HS6ST3: variants seen among roughly 807,000 people sequenced by gnomAD.
HS6ST3 encodes heparan-sulfate 6-O-sulfotransferase 3.
In HS6ST3, 12 loss-of-function variants were observed where a neutral mutation model predicts 36.7. That is an observed-to-expected ratio of 0.33 (90% CI 0.21 to 0.53). HS6ST3 has a LOEUF of 0.53. HS6ST3 is among the 20% of genes least tolerant of loss of function. HS6ST3 has a pLI of 0.95. For synonymous variants in HS6ST3, 240 were observed against 257.5 expected (o/e 0.93, Z 0.65); for missense variants, 584 against 640.9 (o/e 0.91, Z 0.96).
intron 1 of HS6ST3, among the ~76,000 whole-genome samples, chr13:96,171,157 T>A (rs2054185924): frequency 6.6e-6 from 1 of 152,210 alleles, no homozygotes; most frequent in Non-Finnish European, 1.5e-5. Context: ...AGATGTTAAA[T>A]TAAAAGGTGA....
chr13:96,164,953 G>A (rs2054153815), intron 1 of HS6ST3, among the ~76,000 whole-genome samples: 1 of 152,068 alleles, frequency 6.6e-6, no homozygotes, highest in Admixed American at 6.6e-5. Context: ...TTCTGATTCA[G>A]TGGAGTTCTC....
At chr13:96,305,317 T>C (rs929755782) in intron 1 of HS6ST3, among the ~76,000 whole-genome samples, 1 of 152,188 alleles carries the variant, frequency 6.6e-6, no homozygotes, top group Non-Finnish European at 1.5e-5. Context: ...GTTACCATAC[T>C]TCATGAATAT....
chr13:96,183,151 G>GA (rs778532015), intron 1 of HS6ST3, among the ~76,000 whole-genome samples: 7 of 152,126 alleles, frequency 4.6e-5, no homozygotes, highest in Non-Finnish European at 1.0e-4. Flanking sequence ...TGACTGAATT[G>GA]AAAATATAAG....
chr13:96,698,817 G>C (rs543572387), intron 1 of HS6ST3, among the ~76,000 whole-genome samples: 2,267 of 152,218 alleles, frequency 0.015, 54 homozygotes, highest in African/African-American at 0.051. Flanking sequence ...AAAGAACAAA[G>C]CTGGAGGCAT....
chr13:96,579,787 G>A (rs1314203398), intron 1 of HS6ST3, among the ~76,000 whole-genome samples: 4 of 152,058 alleles, frequency 2.6e-5, no homozygotes, highest in African/African-American at 7.2e-5. Context: ...TCACTGTTTG[G>A]GGTTGCCCTG....
intron 1 of HS6ST3, among the ~76,000 whole-genome samples, chr13:96,440,036 C>T (rs114060250): frequency 2.6e-3 from 396 of 152,264 alleles, no homozygotes; most frequent in African/African-American, 9.0e-3. Flanking sequence ...GTGATATGCT[C>T]CATTTATACC....
At chr13:96,632,292 G>A (rs1030676194) in intron 1 of HS6ST3, among the ~76,000 whole-genome samples, 1 of 147,532 alleles carries the variant, frequency 6.8e-6, no homozygotes, top group Non-Finnish European at 1.5e-5. Context: ...CTCCAGAACT[G>A]TCAGAAATAA....
At chr13:96,149,039 G>A (rs1029877538) in intron 1 of HS6ST3, among the ~76,000 whole-genome samples, 4 of 152,276 alleles carry the variant, frequency 2.6e-5, no homozygotes, top group East Asian at 1.9e-4. Flanking sequence ...TTTTGCCTTC[G>A]TAGTAAAATA....
chr13:96,397,391 C>G (rs1221842255), intron 1 of HS6ST3, among the ~76,000 whole-genome samples: 8 of 152,058 alleles, frequency 5.3e-5, no homozygotes, highest in Admixed American at 5.2e-4. Flanking sequence ...TCCACTCATT[C>G]TTTGTGTAAT....
chr13:96,211,617 G>T (rs2054399660), intron 1 of HS6ST3, among the ~76,000 whole-genome samples: 1 of 151,986 alleles, frequency 6.6e-6, no homozygotes, highest in Non-Finnish European at 1.5e-5. Context: ...TTCTATTATT[G>T]TATTAGATAT....
At chr13:96,476,995 T>A in intron 1 of HS6ST3, among the ~76,000 whole-genome samples, 1 of 152,174 alleles carries the variant, frequency 6.6e-6, no homozygotes, top group East Asian at 1.9e-4. Context: ...CTGAGAAAGG[T>A]TACTCTTCAG....
chr13:96,388,321 A>G (rs1487746705), intron 1 of HS6ST3, among the ~76,000 whole-genome samples: 1 of 152,200 alleles, frequency 6.6e-6, no homozygotes, highest in Admixed American at 6.5e-5. Flanking sequence ...GTTCACAAGG[A>G]TGGTGTGTTG....
At chr13:96,398,003 A>G (rs1925128) in intron 1 of HS6ST3, among the ~76,000 whole-genome samples, 77,079 of 151,972 alleles carry the variant, frequency 0.51, 19,883 homozygotes, top group Middle Eastern at 0.6. Context: ...TGAGGTTAAG[A>G]TTCTTATCAA....
chr13:96,554,015 C>T (rs191525671), intron 1 of HS6ST3, among the ~76,000 whole-genome samples: 6 of 152,150 alleles, frequency 3.9e-5, no homozygotes, highest in African/African-American at 9.6e-5. Context: ...CGTGCATGTG[C>T]GAGGTAATGA....
intron 1 of HS6ST3, among the ~76,000 whole-genome samples, chr13:96,480,019 G>C (rs898585649): frequency 6.6e-6 from 1 of 152,140 alleles, no homozygotes; most frequent in Non-Finnish European, 1.5e-5. Flanking sequence ...AAGAAGTACA[G>C]TTTTCTGTGT....
chr13:96,112,568 A>AAAAT lies in HS6ST3; in HGVS notation c.707+21009_707+21012dup, dbSNP rs1191327531. ...GGCAACATGATAAAACCCCATCTCT[A>AAAAT]AAATAAATAAATATATATATATATA... On this transcript the variant is annotated intron_variant, in intron 1 of 1. Coordinates refer to ENST00000376705, the MANE Select transcript of HS6ST3 (RefSeq NM_153456.4). Among the ~76,000 whole-genome samples, 188 of 79,332 alleles carry AAAAT rather than the reference A, an allele frequency of 2.4e-3. 4 individuals carry two copies. Among genetic ancestry groups the AAAAT allele is most frequent in the East Asian group, 0.011 (24 of 2,236 alleles). 52.0% of individuals were successfully genotyped at this position (79,332 alleles called of 152,430 possible).
chr13:96,254,472 TATATATATATATATATATATATATATAC>T (rs2054625743), intron 1 of HS6ST3, among the ~76,000 whole-genome samples: 1 of 8,248 alleles, frequency 1.2e-4, no homozygotes, highest in African/African-American at 2.8e-4. Context: ...TATATATATA[TATATATATATATATATATATATATATAC>T]ACATACATAC....
chr13:96,604,106 G>A (rs1165307806), intron 1 of HS6ST3, among the ~76,000 whole-genome samples: 1 of 152,174 alleles, frequency 6.6e-6, no homozygotes, highest in South Asian at 2.1e-4. Context: ...AAATATAGGA[G>A]CAGTTCTGGC....
chr13:96,516,193 C>G (rs1022583707), intron 1 of HS6ST3, among the ~76,000 whole-genome samples: 5 of 152,054 alleles, frequency 3.3e-5, no homozygotes, highest in Non-Finnish European at 4.4e-5. Context: ...TCCTGAGTAC[C>G]TGGGACTAGA....
Sources: allele counts gnomAD v4.1 joint callset (sites outside exome capture counted in the v4.1 genomes callset), GRCh38; gene constraint gnomAD v4.1.1; transcripts MANE v1.5; gene names NCBI Gene and HGNC (gene_info 2026-07-23, HGNC 2026-07-21).